Variants in N4BP1 observed in about 807,000 individuals in gnomAD.
The protein encoded by N4BP1 is NEDD4 binding protein 1.
In N4BP1, 21 loss-of-function variants were observed where a neutral mutation model predicts 70.9. That is an observed-to-expected ratio of 0.30 (90% CI 0.21 to 0.43). N4BP1 has a LOEUF of 0.43. Ranked by LOEUF, N4BP1 falls within the 20% of genes least tolerant of loss-of-function variation. N4BP1 has a pLI of 1.00. For synonymous variants in N4BP1, 387 were observed against 394.6 expected (o/e 0.98, Z 0.23); for missense variants, 936 against 1,069.4 (o/e 0.88, Z 1.74).
chr16:48,548,386 A>G (rs1963618715), intron 4 of N4BP1, among the ~76,000 whole-genome samples: 1 of 152,242 alleles, frequency 6.6e-6, no homozygotes, highest in East Asian at 1.9e-4. Context: ...AAGTTGTATT[A>G]TCAATAAACA....
intron 6 of N4BP1, 42 bp downstream of exon 6, chr16:48,546,105 A>C (rs1963588581): frequency 1.5e-6 from 2 of 1,312,766 alleles, no homozygotes; most frequent in African/African-American, 3.0e-5. Flanking sequence ...CAAAGAATTG[A>C]AATAGAAGTT....
chr16:48,602,465 T>C (rs9937989), intron 1 of N4BP1, among the ~76,000 whole-genome samples: 212 of 152,270 alleles, frequency 1.4e-3, no homozygotes, highest in African/African-American at 4.9e-3. Flanking sequence ...AAGAGGAAAC[T>C]ACAGGCAATC....
intron 1 of N4BP1, among the ~76,000 whole-genome samples, chr16:48,579,942 T>C (rs1964152542): frequency 6.6e-6 from 1 of 152,032 alleles, no homozygotes; most frequent in African/African-American, 2.4e-5. Context: ...TATATATATG[T>C]ACACACTCAA....
At chr16:48,583,502 T>C (rs1192860824) in intron 1 of N4BP1, among the ~76,000 whole-genome samples, 1 of 152,186 alleles carries the variant, frequency 6.6e-6, no homozygotes, top group Admixed American at 6.5e-5. Context: ...GTGACTATAG[T>C]TAATGACAAT....
chr16:48,576,436 T>C (rs1469781509), intron 1 of N4BP1, among the ~76,000 whole-genome samples: 1 of 152,206 alleles, frequency 6.6e-6, no homozygotes, highest in Non-Finnish European at 1.5e-5. Context: ...AGTGTACTCC[T>C]AGAGACAGGA....
chr16:48,549,731 G>GTGAA (rs1051818784), intron 4 of N4BP1, among the ~76,000 whole-genome samples: 2 of 152,194 alleles, frequency 1.3e-5, no homozygotes, highest in African/African-American at 4.8e-5. Flanking sequence ...GGCCCTTTTG[G>GTGAA]TGAATGAATA....
rs532518469 is a variant in N4BP1 at position 48,609,766 on chromosome 16, C to T, written c.198+9G>A. 1,191 of 1,359,730 alleles carry T rather than the reference C, an allele frequency of 8.8e-4. 7 individuals are homozygous for T. The African/African-American group carries it at 0.017, about 19-fold the overall frequency. The allele number at this position is 1,359,730 out of a possible 1,614,324, so 84.2% of individuals were successfully genotyped here. The stretch of plus-strand genomic sequence containing the variant: ...GCCGCGGGCGCGCGGGGGCGGCGGC[C>T]GGACTCACCTTGGCGCTGTGCACCG... On this transcript the variant is annotated intron_variant, in intron 1 of 6. Transcript: ENST00000262384.
intron 2 of N4BP1, among the ~76,000 whole-genome samples, chr16:48,554,737 A>C (rs1225010016): frequency 6.6e-6 from 1 of 152,218 alleles, no homozygotes; most frequent in African/African-American, 2.4e-5. Context: ...GCTCTGTAGA[A>C]ATACTTCACT....
At chr16:48,607,621 T>G (rs1318876278) in intron 1 of N4BP1, among the ~76,000 whole-genome samples, 1 of 152,080 alleles carries the variant, frequency 6.6e-6, no homozygotes, top group Non-Finnish European at 1.5e-5. Flanking sequence ...ATGAAAGTCT[T>G]AACCGCAGCA....
At chr16:48,558,410 G>A (rs1385200696) in intron 2 of N4BP1, among the ~76,000 whole-genome samples, 1 of 152,128 alleles carries the variant, frequency 6.6e-6, no homozygotes. Context: ...AAATATGTAG[G>A]AGTGTGTTTG....
Position 48,577,647 on chromosome 16 carries a change from G to A in N4BP1, c.199-15203C>T, listed in dbSNP as rs80036337. On this transcript the variant is annotated intron_variant, in intron 1 of 6. Coordinates refer to ENST00000262384, the MANE Select transcript of N4BP1 (RefSeq NM_153029.4). ...TGAACACAGTCTTCTTCCAGAGGTCGGGGGTCAGGCAGCTGTAGGTCTTGG... is the reference window on the plus strand; with the variant it reads ...TGAACACAGTCTTCTTCCAGAGGTCAGGGGTCAGGCAGCTGTAGGTCTTGG... 92 of 222,890 alleles carry A rather than the reference G, an allele frequency of 4.1e-4. No individual in the cohort carries two copies. The East Asian group carries it at 8.8e-3, about 21-fold the overall frequency. 13.8% of individuals were successfully genotyped at this position (222,890 alleles called of 1,614,324 possible).
At chr16:48,593,904 A>G (rs1187999815) in intron 1 of N4BP1, among the ~76,000 whole-genome samples, 1 of 150,014 alleles carries the variant, frequency 6.7e-6, no homozygotes, top group Non-Finnish European at 1.5e-5. Context: ...CAGGAGGCTG[A>G]GACAAAAGAG....
rs542946264 is a variant in N4BP1 at position 48,561,704 on chromosome 16, A to C, written c.939T>G (p.Ala313=). 6.2e-5 allele frequency: 100 copies of C among 1,612,656 alleles called. 3 individuals carry two copies. In the South Asian group the frequency reaches 1.0e-3, roughly 17 times the overall value. ...CTATTACATTTCCAGCCAATGTCTT[A>C]GCATCGTGTAAAATCTCCCCCTCCT... ...NVQEGEILHD[A]KTLAGNVIAD... Residue 313 remains alanine, a synonymous_variant, in exon 2 of 7, where the codon GCT becomes GCG. Coordinates refer to ENST00000262384, the MANE Select transcript of N4BP1 (RefSeq NM_153029.4).
At chr16:48,576,098 G>A (rs1411760669) in intron 1 of N4BP1, among the ~76,000 whole-genome samples, 2 of 151,702 alleles carry the variant, frequency 1.3e-5, no homozygotes, top group Non-Finnish European at 2.9e-5. Context: ...AAGAGAAAAG[G>A]AGAATATGAC....
intron 1 of N4BP1, among the ~76,000 whole-genome samples, chr16:48,609,245 C>T (rs1567450446): frequency 6.6e-6 from 1 of 152,076 alleles, no homozygotes; most frequent in African/African-American, 2.4e-5. Context: ...AAACATAAAT[C>T]CTTTCTTTCT....
intron 1 of N4BP1, among the ~76,000 whole-genome samples, chr16:48,592,512 C>T (rs1964353209): frequency 6.6e-6 from 1 of 152,176 alleles, no homozygotes; most frequent in Non-Finnish European, 1.5e-5. Context: ...AAAAATGTTA[C>T]AACTACTGGA....
chr16:48,599,233 A>G (rs949120094), intron 1 of N4BP1, among the ~76,000 whole-genome samples: 1 of 152,104 alleles, frequency 6.6e-6, no homozygotes, highest in African/African-American at 2.4e-5. Context: ...TGGTCACAGG[A>G]CCAGGGCTGC....
rs116801248 is a variant in N4BP1, at chr16:48,583,151, C to T, written c.199-20707G>A. Among the ~76,000 whole-genome samples, 1,104 of 151,976 alleles carry T rather than the reference C, an allele frequency of 7.3e-3. 13 individuals are homozygous for T. Among genetic ancestry groups the T allele is most frequent in the African/African-American group, 0.025 (1,051 of 41,440 alleles). ...TTATATATAGTCATCCCTTGGTGTC[C>T]GCAGGGGATTGATTCCAGGACCCTT... On this transcript the variant is annotated intron_variant, in intron 1 of 6. Coordinates refer to ENST00000262384, the MANE Select transcript of N4BP1 (RefSeq NM_153029.4).
chr16:48,602,518 A>T (rs1450835215), intron 1 of N4BP1, among the ~76,000 whole-genome samples: 2 of 152,114 alleles, frequency 1.3e-5, no homozygotes, highest in Non-Finnish European at 2.9e-5. Flanking sequence ...CCCTTATTTC[A>T]ACATTCTGGT....
Sources: gnomAD v4.1 joint callset for allele counts (sites outside exome capture counted in the v4.1 genomes callset) on GRCh38, gnomAD v4.1.1 for gene constraint, MANE v1.5 for transcripts, NCBI Gene and HGNC (gene_info 2026-07-23, HGNC 2026-07-21) for gene names.